Variants in POU2F3 observed in about 807,000 individuals in gnomAD.
POU2F3 encodes POU class 2 homeobox 3, also known as POU domain, class 2, transcription factor 3.
POU2F3 carries 23 observed loss-of-function variants against 59.2 expected under a neutral mutation model. The ratio of observed to expected loss-of-function variants is 0.39; its 90% CI spans 0.28 to 0.55. The LOEUF is 0.55. Ranked by LOEUF, POU2F3 falls within the 20% of genes least tolerant of loss-of-function variation. The pLI, the probability that POU2F3 is intolerant of heterozygous loss-of-function variation, is 0.66. For synonymous variants in POU2F3, 190 were observed against 214.6 expected (o/e 0.89, Z 1.00); for missense variants, 473 against 544.5 (o/e 0.87, Z 1.31).
chr11:120,245,434 C>A (rs1368455401), intron 1 of POU2F3, among the ~76,000 whole-genome samples: 1 of 152,002 alleles, frequency 6.6e-6, no homozygotes, highest in Non-Finnish European at 1.5e-5. Context: ...ATTGGCTCAC[C>A]AAGACTTTAT....
chr11:120,298,146 G>A (rs1179417225), intron 3 of POU2F3, 119 bp from the exon 4 acceptor site: 14 of 1,303,060 alleles, frequency 1.1e-5, no homozygotes, highest in Non-Finnish European at 1.5e-5. Flanking sequence ...TAGGCCCTGG[G>A]CTAGCTCTCT....
At chr11:120,253,077 A>G (rs1283217249) in intron 2 of POU2F3, among the ~76,000 whole-genome samples, 2 of 151,998 alleles carry the variant, frequency 1.3e-5, no homozygotes, top group African/African-American at 4.8e-5. Context: ...CTGCTTCTCA[A>G]ACAGTCTGGG....
intron 3 of POU2F3, 24 bp from the exon 4 acceptor site, chr11:120,298,241 C>T: frequency 2.5e-6 from 4 of 1,603,038 alleles, no homozygotes; most frequent in Non-Finnish European, 3.4e-6. Context: ...AGCACTGACG[C>T]TCTCCTCTTG....
chr11:120,269,104 T>A (rs1213972169), intron 2 of POU2F3, 106 bp from the exon 3 acceptor site: 1 of 836,548 alleles, frequency 1.2e-6, no homozygotes, highest in Non-Finnish European at 1.8e-6. Flanking sequence ...CAGGTGCTCT[T>A]TTTCAAAATA....
chr11:120,300,849 C>T, intron 5 of POU2F3: 1 of 323,368 alleles, frequency 3.1e-6, no homozygotes, highest in Non-Finnish European at 6.1e-6. Flanking sequence ...AGAATCCAAA[C>T]AAAATGCAAC....
At position 120,241,044 on chromosome 11, in the gene POU2F3, A is replaced by T. The variant is rs1444951572; in HGVS notation, c.28+673A>T. Among the ~76,000 whole-genome samples, 3 of 152,106 alleles carry T rather than the reference A, an allele frequency of 2.0e-5. 1 individual carries two copies. The highest frequency in any genetic ancestry group is 1.3e-4 in the Admixed American group (2 of 15,288). ...ATGAATGAATGAGAGGTGGGCATGG[A>T]GGGAACCCAGCCCCTCCATTCACCT... On this transcript the variant is annotated intron_variant, in intron 1 of 12. Coordinates refer to ENST00000543440, the MANE Select transcript of POU2F3 (RefSeq NM_014352.4).
At chr11:120,249,903 G>A (rs972677245) in intron 2 of POU2F3, 1 of 152,164 alleles carries the variant, frequency 6.6e-6, no homozygotes, top group African/African-American at 2.4e-5. Flanking sequence ...ATATCACACA[G>A]CTTATAGCCA....
At chr11:120,292,937 C>A (rs1201362729) in intron 3 of POU2F3, among the ~76,000 whole-genome samples, 1 of 152,174 alleles carries the variant, frequency 6.6e-6, no homozygotes, top group Non-Finnish European at 1.5e-5. Context: ...TCAGCACTAG[C>A]AATGCTATGT....
intron 2 of POU2F3, among the ~76,000 whole-genome samples, chr11:120,257,440 G>A (rs538045507): frequency 3.1e-4 from 47 of 151,852 alleles, no homozygotes; most frequent in Admixed American, 1.5e-3. Flanking sequence ...GCCACATCTC[G>A]GGGTCACCAT....
intron 2 of POU2F3, among the ~76,000 whole-genome samples, chr11:120,263,546 C>A (rs1939694812): frequency 6.6e-6 from 1 of 152,214 alleles, no homozygotes; most frequent in African/African-American, 2.4e-5. Flanking sequence ...TTAGCCTAAG[C>A]TGTTGATTAA....
chr11:120,308,114 CCTT>C (rs1364787214), intron 9 of POU2F3, among the ~76,000 whole-genome samples: 3 of 152,212 alleles, frequency 2.0e-5, no homozygotes, highest in Non-Finnish European at 4.4e-5. Flanking sequence ...TCCTTCTACT[CCTT>C]CTTTTCTATG....
intron 3 of POU2F3, among the ~76,000 whole-genome samples, chr11:120,278,441 A>G (rs1270175304): frequency 6.6e-6 from 1 of 152,198 alleles, no homozygotes; most frequent in Non-Finnish European, 1.5e-5. Flanking sequence ...CCAAGGGGAT[A>G]AGTCACTTCT....
At chr11:120,275,608 T>A (rs1026516103) in intron 3 of POU2F3, among the ~76,000 whole-genome samples, 1 of 152,132 alleles carries the variant, frequency 6.6e-6, no homozygotes, top group Non-Finnish European at 1.5e-5. Context: ...CTGTTGAGCA[T>A]TGTGTTGCTT....
chr11:120,305,213 G>A lies in POU2F3; in HGVS notation c.627+1G>A. ...GCGCATTAAGCTGGGCTTCACACAG[G>A]TTTGGTTTTAGGGGAAAAGATAGAA... is the stretch of plus-strand genomic sequence containing the variant. On this transcript the variant is annotated splice_donor_variant, in intron 7 of 12. Transcript: ENST00000543440. LOFTEE classifies it high-confidence loss of function. The A allele has an allele frequency of 1.2e-6, 2 of 1,612,628 alleles. No homozygotes were observed. Among genetic ancestry groups the A allele is most frequent in the Non-Finnish European group, 1.7e-6 (2 of 1,179,348 alleles).
intron 2 of POU2F3, 107 bp downstream of exon 2, chr11:120,246,624 C>T (rs1222499236): frequency 3.4e-6 from 4 of 1,191,794 alleles, no homozygotes; most frequent in Admixed American, 3.7e-5. Context: ...GCCAACCAGA[C>T]CCCAAAGCTA....
intron 2 of POU2F3, among the ~76,000 whole-genome samples, chr11:120,247,496 CAG>C (rs1186448599): frequency 6.6e-6 from 1 of 152,192 alleles, no homozygotes; most frequent in Non-Finnish European, 1.5e-5. Flanking sequence ...AATACTGAAA[CAG>C]TGTTTCCTTG....
intron 2 of POU2F3, among the ~76,000 whole-genome samples, chr11:120,267,622 A>G (rs2135189498): frequency 6.6e-6 from 1 of 151,296 alleles, no homozygotes; most frequent in East Asian, 1.9e-4. Context: ...TGTTTAGGAC[A>G]CAGCTGAGGA....
intron 1 of POU2F3, among the ~76,000 whole-genome samples, chr11:120,242,781 T>A (rs1379046063): frequency 6.6e-6 from 1 of 152,100 alleles, no homozygotes; most frequent in Non-Finnish European, 1.5e-5. Flanking sequence ...TTATAGAGCA[T>A]CTCTCACCTG....
chr11:120,298,306 C>T lies in POU2F3; in HGVS notation c.174C>T (p.Leu58=). The part of the protein sequence containing the change: ...EDLSDSLQQT[L]SHRPCHLSQG... ...TCAGTGACTCCCTGCAGCAGACCCT[C>T]TCCCATCGGCCATGCCACCTGAGTC... The change falls in exon 4 of 13, where the codon CTC becomes CTT. Residue 58 remains leucine (L), a synonymous_variant. Coordinates refer to ENST00000543440, the MANE Select transcript of POU2F3 (RefSeq NM_014352.4). The T allele has an allele frequency of 1.2e-6, 2 of 1,613,782 alleles. No homozygotes were observed. Among genetic ancestry groups the T allele is most frequent in the Middle Eastern group, 1.7e-4 (1 of 6,058 alleles).
Sources: gnomAD v4.1 joint callset for allele counts (sites outside exome capture counted in the v4.1 genomes callset) on GRCh38, gnomAD v4.1.1 for gene constraint, MANE v1.5 for transcripts, NCBI Gene and HGNC (gene_info 2026-07-23, HGNC 2026-07-21) for gene names.